USH2A: variants seen among roughly 807,000 people sequenced by gnomAD.
USH2A encodes the protein usherin, also known as Usher syndrome 2A (autosomal recessive, mild).
Under a neutral mutation model 538.9 loss-of-function variants are expected in USH2A, and 443 were observed. The observed-to-expected ratio is 0.82, with a 90% CI of 0.76 to 0.89. USH2A has a LOEUF of 0.89. USH2A is among the 40% of genes least tolerant of loss of function. The pLI is 0.00. For missense variants in USH2A, 6,633 were observed against 6,324.8 expected (o/e 1.05, Z -1.65); for synonymous variants, 2,413 against 2,273.5 (o/e 1.06, Z -1.75).
rs1411998656 is a variant in USH2A at position 216,148,688 on chromosome 1, C to A, written c.4627+26564G>T. Among the ~76,000 whole-genome samples the A allele has an allele frequency of 2.0e-5, 3 of 151,846 alleles. No homozygotes were observed. The East Asian group carries it at 5.8e-4, about 29-fold the overall frequency. On this transcript the variant is annotated intron_variant, in intron 21 of 71. Coordinates refer to ENST00000307340, the MANE Select transcript of USH2A (RefSeq NM_206933.4). ...GCCTTACAAGTTAGTTCAGGATCTG[C>A]ACCTTATCAACCAAATTGTTTTGCC...
intron 67 of USH2A, among the ~76,000 whole-genome samples, chr1:215,642,122 C>G (rs1042342693): frequency 2.0e-5 from 3 of 152,152 alleles, no homozygotes; most frequent in African/African-American, 7.2e-5. Flanking sequence ...GGTTTGGAGA[C>G]CTTCCTGAGG....
At chr1:216,147,102 A>C (rs1204389764) in intron 21 of USH2A, among the ~76,000 whole-genome samples, 3 of 151,962 alleles carry the variant, frequency 2.0e-5, no homozygotes, top group African/African-American at 7.2e-5. Flanking sequence ...GACCAGTTAA[A>C]CTCATCCCAA....
At chr1:215,899,248 G>A (rs77227702) in intron 40 of USH2A, among the ~76,000 whole-genome samples, 8,890 of 152,226 alleles carry the variant, frequency 0.058, 337 homozygotes, top group Non-Finnish European at 0.083. Context: ...TGGATATAGA[G>A]CCAGCATGGC....
At chr1:216,359,407 A>G (rs1203198787) in intron 4 of USH2A, among the ~76,000 whole-genome samples, 1 of 152,138 alleles carries the variant, frequency 6.6e-6, no homozygotes, top group Non-Finnish European at 1.5e-5. Flanking sequence ...CCTATGAATT[A>G]TATATTAAAC....
At chr1:216,319,003 A>G (rs1486717480) in intron 9 of USH2A, among the ~76,000 whole-genome samples, 1 of 152,206 alleles carries the variant, frequency 6.6e-6, no homozygotes, top group Non-Finnish European at 1.5e-5. Context: ...AATGAGAGAG[A>G]CTAATACCGA....
Position 215,888,753 on chromosome 1 carries a change from C to A in USH2A, c.7896G>T (p.Leu2632=), listed in dbSNP as rs111542004. 1.2e-6 allele frequency: 2 copies of A among 1,614,018 alleles called. No homozygotes were observed. Among genetic ancestry groups the A allele is most frequent in the Non-Finnish European group, 1.7e-6 (2 of 1,180,024 alleles). Residue 2632 remains leucine, a synonymous_variant, in exon 41 of 72, where the codon CTG becomes CTT. Transcript: ENST00000307340. ...GAPEGIPSPE[L]FSDTPTSVII... ...TCACAGATGTTGGAGTATCAGAGAA[C>A]AGCTCTGGACTTGGGATCCCTTCCG...
intron 61 of USH2A, among the ~76,000 whole-genome samples, chr1:215,716,194 A>G (rs1355270868): frequency 2.0e-5 from 3 of 146,632 alleles, no homozygotes; most frequent in Non-Finnish European, 3.0e-5. Context: ...GAAAGAGTGG[A>G]AGGGGGGCGG....
At chr1:215,764,316 C>G (rs1248682796) in intron 56 of USH2A, among the ~76,000 whole-genome samples, 1 of 152,088 alleles carries the variant, frequency 6.6e-6, no homozygotes, top group Non-Finnish European at 1.5e-5. Flanking sequence ...AAGACTGGGT[C>G]TTCTTTTCCT....
rs141202084 is a variant in USH2A, at chr1:216,305,357, G to A, written c.1645-12987C>T. ...CTGTTTGCTTTTGGTGTCCATTTTC[G>A]TGGAATATCTTTTTCCACCTCTTTA... On this transcript the variant is annotated intron_variant, in intron 9 of 71. Coordinates refer to ENST00000307340, the MANE Select transcript of USH2A (RefSeq NM_206933.4). 4.4e-3 allele frequency among the ~76,000 whole-genome samples: 663 copies of A among 152,038 alleles called. 4 individuals carry two copies. The highest frequency in any genetic ancestry group is 0.014 in the African/African-American group (577 of 41,506).
At chr1:216,193,184 A>G (rs1312610000) in intron 19 of USH2A, among the ~76,000 whole-genome samples, 1 of 152,194 alleles carries the variant, frequency 6.6e-6, no homozygotes, top group Admixed American at 6.5e-5. Context: ...ACAACAAAAT[A>G]AAACATTGAG....
At chr1:216,215,753 C>T (rs995074849) in intron 15 of USH2A, among the ~76,000 whole-genome samples, 6 of 151,924 alleles carry the variant, frequency 3.9e-5, no homozygotes, top group African/African-American at 1.5e-4. Context: ...GATAAAAAAC[C>T]AAAAGGAATA....
At chr1:215,717,700 C>G (rs181974672) in intron 61 of USH2A, among the ~76,000 whole-genome samples, 3 of 152,282 alleles carry the variant, frequency 2.0e-5, no homozygotes, top group Non-Finnish European at 1.5e-5. Context: ...ATTTCTTGGT[C>G]TTGATCACTG....
At chr1:215,683,135 C>T (rs1045781491) in intron 61 of USH2A, among the ~76,000 whole-genome samples, 1 of 151,890 alleles carries the variant, frequency 6.6e-6, no homozygotes, top group Non-Finnish European at 1.5e-5. Flanking sequence ...CACCCTTCTG[C>T]CTTGGCTGCG....
At chr1:215,980,814 A>G (rs1288354741) in intron 35 of USH2A, among the ~76,000 whole-genome samples, 1 of 152,136 alleles carries the variant, frequency 6.6e-6, no homozygotes, top group African/African-American at 2.4e-5. Context: ...ATTACTGTGT[A>G]GTATTCCTAC....
At chr1:215,687,020 T>C (rs535529147) in intron 61 of USH2A, among the ~76,000 whole-genome samples, 3 of 152,192 alleles carry the variant, frequency 2.0e-5, no homozygotes, top group South Asian at 2.1e-4. Flanking sequence ...TTTCTCCTGA[T>C]ACTGGGGACA....
At chr1:216,336,365 C>A (rs1402660120) in intron 4 of USH2A, among the ~76,000 whole-genome samples, 1 of 151,134 alleles carries the variant, frequency 6.6e-6, no homozygotes, top group African/African-American at 2.4e-5. Context: ...TCCACTTTTG[C>A]CACTTCTAGT....
rs1298872257 is a variant in USH2A at position 216,422,380 on chromosome 1, A to G, written c.-44T>C. On this transcript the variant is annotated 5_prime_UTR_variant, in exon 2 of 72. Transcript: ENST00000307340. ...TCCTCCTGATAAAGCATTTCTAAAT[A>G]AATAATCAGGCCCACGCCACTTGCC... 6.2e-7 allele frequency: 1 copy of G among 1,612,568 alleles called. No individual in the cohort carries two copies.
intron 37 of USH2A, among the ~76,000 whole-genome samples, chr1:215,955,858 AAACATAT>A: frequency 6.6e-6 from 1 of 152,168 alleles, no homozygotes. Context: ...CTAAGGGGCC[AAACATAT>A]GGTTTGTAAT....
At chr1:216,270,436 G>A (rs1414981829) in intron 11 of USH2A, among the ~76,000 whole-genome samples, 3 of 152,082 alleles carry the variant, frequency 2.0e-5, no homozygotes, top group African/African-American at 2.4e-5. Context: ...CTTTCCTAGA[G>A]AACATCATAG....
Sources: gnomAD v4.1 joint callset for allele counts (sites outside exome capture counted in the v4.1 genomes callset) on GRCh38, gnomAD v4.1.1 for gene constraint, MANE v1.5 for transcripts, NCBI Gene and HGNC (gene_info 2026-07-23, HGNC 2026-07-21) for gene names.